The following KCNG3 variants were observed in gnomAD, a reference collection of about 807,000 sequenced individuals.
KCNG3 encodes the protein voltage-gated potassium channel regulatory subunit KCNG3.
A neutral mutation model predicts 29.0 loss-of-function variants in KCNG3; 15 were observed. The ratio of observed to expected loss-of-function variants is 0.52; its 90% confidence interval spans 0.35 to 0.80. The LOEUF (loss-of-function observed/expected upper bound fraction) is 0.80, where lower values mean the gene tolerates loss of function less well. KCNG3 is among the 30% of genes least tolerant of loss of function. The probability of loss-of-function intolerance (pLI) is 0.01; values close to 1 mark genes in which losing one functional copy is unlikely to be tolerated. For missense variants in KCNG3, 512 were observed against 605.7 expected (o/e 0.85, Z 1.62); for synonymous variants, 322 against 248.9 (o/e 1.29, Z -2.76).
intron 1 of KCNG3, among the ~76,000 whole-genome samples, chr2:42,490,408 T>C (rs992247307): frequency 6.6e-6 from 1 of 152,080 alleles, no homozygotes; most frequent in African/African-American, 2.4e-5. Context: ...AAACCCCATC[T>C]CTACTAAAAA....
the KCNG3 span, among the ~76,000 whole-genome samples, chr2:42,427,422 T>C: frequency 6.7e-6 from 1 of 149,284 alleles, no homozygotes; most frequent in Non-Finnish European, 1.5e-5. Context: ...CTGGGCAACA[T>C]GGCAAAACCC....
At chr2:42,445,134 T>C (rs941746191) in intron 1 of KCNG3, among the ~76,000 whole-genome samples, 1 of 151,858 alleles carries the variant, frequency 6.6e-6, no homozygotes, top group Non-Finnish European at 1.5e-5. Flanking sequence ...TACAATACTA[T>C]TAAATTTTGT....
the KCNG3 span, among the ~76,000 whole-genome samples, chr2:42,409,731 T>TAAAAAAAAAA: frequency 2.9e-4 from 22 of 77,094 alleles, no homozygotes; most frequent in African/African-American, 8.8e-4. Flanking sequence ...AAAAAAAAAT[T>TAAAAAAAAAA]TTTTTTTAAA....
the KCNG3 span, among the ~76,000 whole-genome samples, chr2:42,400,590 T>C: frequency 6.6e-6 from 1 of 152,108 alleles, no homozygotes; most frequent in African/African-American, 2.4e-5. Flanking sequence ...AGGAAAGAAA[T>C]TTAGACAGTA....
At chr2:42,396,307 G>T in the KCNG3 span, among the ~76,000 whole-genome samples, 1 of 152,114 alleles carries the variant, frequency 6.6e-6, no homozygotes, top group Non-Finnish European at 1.5e-5. Flanking sequence ...TTAAAATTTT[G>T]TCCATTTTTC....
downstream of KCNG3, among the ~76,000 whole-genome samples, chr2:42,439,897 C>T (rs972747497): frequency 2.0e-5 from 3 of 152,082 alleles, no homozygotes; most frequent in African/African-American, 7.2e-5. Context: ...CCCGCCTCGG[C>T]CTCCCAAAGT....
intron 1 of KCNG3, among the ~76,000 whole-genome samples, chr2:42,473,950 G>C (rs1184290574): frequency 1.3e-5 from 2 of 151,824 alleles, no homozygotes; most frequent in Non-Finnish European, 2.9e-5. Context: ...CCAGGAGTTC[G>C]AGACCAGCCT....
intron 1 of KCNG3, among the ~76,000 whole-genome samples, chr2:42,452,244 T>TATATATATATATATATATA (rs1491559721): frequency 5.3e-5 from 3 of 57,028 alleles, no homozygotes; most frequent in Admixed American, 2.3e-4. Flanking sequence ...TATATATATA[T>TATATATATATATATATATA]TTTTTTTTTT....
chr2:42,396,701 A>C, the KCNG3 span, among the ~76,000 whole-genome samples: 1 of 152,180 alleles, frequency 6.6e-6, no homozygotes, highest in Non-Finnish European at 1.5e-5. Context: ...GACAGATTGA[A>C]GTTGGGGGTC....
At position 42,443,890 on chromosome 2, in the gene KCNG3, A is replaced by T; in HGVS notation, c.*44T>A. The stretch of plus-strand genomic sequence containing the variant: ...AAACACATAAATATGAAGCAGCATC[A>T]AAGTCTTTCTATGAAGTGTATGCAA... On this transcript the variant is annotated 3_prime_UTR_variant, in exon 2 of 2. Coordinates refer to ENST00000306078, the MANE Select transcript of KCNG3 (RefSeq NM_133329.6). 1 of 1,531,428 alleles carries T rather than the reference A, an allele frequency of 6.5e-7. No homozygotes were observed. Among genetic ancestry groups the T allele is most frequent in the Non-Finnish European group, 8.8e-7 (1 of 1,130,364 alleles). 94.9% of individuals were successfully genotyped at this position (1,531,428 alleles called of 1,614,324 possible).
the KCNG3 span, among the ~76,000 whole-genome samples, chr2:42,421,620 A>T: frequency 6.6e-6 from 1 of 152,166 alleles, no homozygotes; most frequent in East Asian, 1.9e-4. Flanking sequence ...ATTTTCAGTC[A>T]ATTTCTCAGT....
At chr2:42,489,871 T>A (rs182269955) in intron 1 of KCNG3, among the ~76,000 whole-genome samples, 34 of 152,308 alleles carry the variant, frequency 2.2e-4, no homozygotes, top group African/African-American at 7.9e-4. Context: ...TTTCCAGAGT[T>A]GTCATTTCTC....
At position 42,442,812 on chromosome 2, in the gene KCNG3, CAAG is replaced by C. The variant is rs1411260475; in HGVS notation, c.*1119_*1121del. 1.3e-5 allele frequency: 2 copies of C among 152,106 alleles called. No individual in the cohort carries two copies. Among genetic ancestry groups the C allele is most frequent in the Non-Finnish European group, 2.9e-5 (2 of 68,004 alleles). The allele number at this position is 152,106 out of a possible 1,614,324, so 9.4% of individuals were successfully genotyped here. A position where few individuals can be genotyped will look rare whatever the true frequency, so the allele number is the denominator to read the frequency against. ...CATGGCATATTAGTCAGTATTCTTA[CAAG>C]AAGAGTTTTGGTGTAGCTGTGATTC... On this transcript the variant is annotated 3_prime_UTR_variant, in exon 2 of 2. Transcript: ENST00000306078.
At chr2:42,476,269 C>T (rs190761414) in intron 1 of KCNG3, among the ~76,000 whole-genome samples, 23 of 150,648 alleles carry the variant, frequency 1.5e-4, no homozygotes, top group African/African-American at 2.7e-4. Flanking sequence ...CTCAGGAGTT[C>T]GAGACCAGCC....
At chr2:42,456,153 C>T (rs1411875707) in intron 1 of KCNG3, among the ~76,000 whole-genome samples, 1 of 151,930 alleles carries the variant, frequency 6.6e-6, no homozygotes, top group African/African-American at 2.4e-5. Context: ...TTATTTATAA[C>T]TTCTTTGAAG....
At chr2:42,418,033 AC>A in the KCNG3 span, among the ~76,000 whole-genome samples, 1 of 151,934 alleles carries the variant, frequency 6.6e-6, no homozygotes, top group African/African-American at 2.4e-5. Context: ...ATATACTGAC[AC>A]AAAATCACCA....
chr2:42,460,595 CTTT>C (rs1672990426), intron 1 of KCNG3, among the ~76,000 whole-genome samples: 1 of 152,126 alleles, frequency 6.6e-6, no homozygotes, highest in African/African-American at 2.4e-5. Flanking sequence ...CGGAAAGCTT[CTTT>C]GAGAAAGTGG....
chr2:42,448,545 T>C (rs1672662664), intron 1 of KCNG3, among the ~76,000 whole-genome samples: 1 of 152,118 alleles, frequency 6.6e-6, no homozygotes, highest in South Asian at 2.1e-4. Context: ...CTCAGGTATA[T>C]CTGATCGATC....
chr2:42,469,227 G>A (rs1177480946), intron 1 of KCNG3, among the ~76,000 whole-genome samples: 3 of 151,822 alleles, frequency 2.0e-5, no homozygotes, highest in Admixed American at 6.6e-5. Context: ...GACCAGCCTG[G>A]CCAACATGGG....
Sources: allele counts gnomAD v4.1 joint callset (sites outside exome capture counted in the v4.1 genomes callset), GRCh38; gene constraint gnomAD v4.1.1; transcripts MANE v1.5; gene names NCBI Gene and HGNC (gene_info 2026-07-23, HGNC 2026-07-21).